CLDN16: variants seen among roughly 807,000 people sequenced by gnomAD.
CLDN16 encodes the protein claudin-16.
Under a neutral mutation model 24.6 loss-of-function variants are expected in CLDN16, and 13 were observed. The ratio of observed to expected loss-of-function variants is 0.53; its 90% CI spans 0.34 to 0.84. CLDN16 has a LOEUF of 0.84. CLDN16 is among the 40% of genes least tolerant of loss of function. The probability of loss-of-function intolerance (pLI) is 0.01; values close to 1 mark genes in which losing one functional copy is unlikely to be tolerated. For missense variants in CLDN16, 298 were observed against 292.7 expected (o/e 1.02, Z -0.13); for synonymous variants, 116 against 106.7 (o/e 1.09, Z -0.54).
At chr3:190,348,404 T>C (rs1717602351) in intron 1 of CLDN16, among the ~76,000 whole-genome samples, 1 of 151,086 alleles carries the variant, frequency 6.6e-6, no homozygotes, top group South Asian at 2.1e-4. Flanking sequence ...TACAAAGATA[T>C]ACACACCCAC....
intron 1 of CLDN16, among the ~76,000 whole-genome samples, chr3:190,355,547 G>A (rs1717750105): frequency 6.6e-6 from 1 of 151,746 alleles, no homozygotes; most frequent in Non-Finnish European, 1.5e-5. Flanking sequence ...AACTTCTTAA[G>A]AATTTAAAAC....
intron 2 of CLDN16, among the ~76,000 whole-genome samples, chr3:190,403,354 A>T (rs1719009616): frequency 6.6e-6 from 1 of 152,176 alleles, no homozygotes; most frequent in African/African-American, 2.4e-5. Flanking sequence ...ATAAATAAAT[A>T]AATTATAGTT....
At chr3:190,302,479 A>G in the CLDN16 span, among the ~76,000 whole-genome samples, 1 of 152,144 alleles carries the variant, frequency 6.6e-6, no homozygotes, top group African/African-American at 2.4e-5. Context: ...ATTCTTAAAA[A>G]TATTATGTGA....
At chr3:190,345,704 C>G (rs1207065321) in intron 1 of CLDN16, among the ~76,000 whole-genome samples, 2 of 152,142 alleles carry the variant, frequency 1.3e-5, no homozygotes, top group East Asian at 3.9e-4. Context: ...CCTCACTGGG[C>G]TTCCAGTTAT....
the CLDN16 span, among the ~76,000 whole-genome samples, chr3:190,297,000 A>G: frequency 6.6e-6 from 1 of 152,090 alleles, no homozygotes; most frequent in Non-Finnish European, 1.5e-5. Flanking sequence ...GGGTTTTTAC[A>G]ACAAAGTAGC....
At chr3:190,310,189 A>T in the CLDN16 span, 2 of 1,613,812 alleles carry the variant, frequency 1.2e-6, no homozygotes, top group Non-Finnish European at 1.7e-6. Context: ...CTGGGGTCAT[A>T]GGGTCATAGA....
rs143959193 is a variant in CLDN16 at position 190,342,874 on chromosome 3, G to T, written n.121+20213G>T. On this transcript the variant is annotated intron_variant and non_coding_transcript_variant, in intron 1 of 4. Coordinates refer to the CLDN16 transcript ENST00000468220. ...TAAAACTCCTGGAAAAAAACATAGG[G>T]GAAAAACTCCTTGACATTGGCCTTG... Among the ~76,000 whole-genome samples the T allele has an allele frequency of 5.3e-5, 8 of 152,138 alleles. No homozygotes were observed. The East Asian group carries it at 9.6e-4, about 18-fold the overall frequency.
At chr3:190,301,066 G>T in the CLDN16 span, among the ~76,000 whole-genome samples, 1 of 152,148 alleles carries the variant, frequency 6.6e-6, no homozygotes, top group Non-Finnish European at 1.5e-5. Flanking sequence ...TTTTCAACTT[G>T]ACTCAATCCT....
chr3:190,312,930 G>A, the CLDN16 span: 15 of 1,614,034 alleles, frequency 9.3e-6, no homozygotes, highest in Admixed American at 3.3e-5. Flanking sequence ...GCACCTCATC[G>A]TCTTCCAAGC....
intron 1 of CLDN16, among the ~76,000 whole-genome samples, chr3:190,363,474 A>G (rs1317005950): frequency 1.4e-5 from 2 of 143,058 alleles, no homozygotes; most frequent in South Asian, 4.4e-4. Context: ...TTTTCTTTTG[A>G]TTGTTGGTCA....
At chr3:190,388,473 C>T (rs752863742) in intron 1 of CLDN16, 30 bp downstream of exon 1, 2 of 1,601,944 alleles carry the variant, frequency 1.2e-6, no homozygotes, top group Non-Finnish European at 1.7e-6. Context: ...TTTTCATGAT[C>T]CAGGCCAGCC....
intron 1 of CLDN16, among the ~76,000 whole-genome samples, chr3:190,390,932 C>T (rs975053932): frequency 6.6e-6 from 1 of 152,048 alleles, no homozygotes; most frequent in Non-Finnish European, 1.5e-5. Context: ...CCTACAGGTG[C>T]ATGTCCCCAC....
chr3:190,405,766 T>G (rs149279223), intron 3 of CLDN16, among the ~76,000 whole-genome samples: 245 of 152,326 alleles, frequency 1.6e-3, no homozygotes, highest in African/African-American at 5.6e-3. Flanking sequence ...TTCTGAGGAC[T>G]GGTCAAGCAT....
intron 1 of CLDN16, among the ~76,000 whole-genome samples, chr3:190,332,629 T>C (rs977400923): frequency 6.6e-6 from 1 of 152,196 alleles, no homozygotes; most frequent in Non-Finnish European, 1.5e-5. Context: ...TTTTCCACTA[T>C]TAATTAAGTT....
Position 190,370,263 on chromosome 3 carries a change from G to A in CLDN16, n.122-630G>A, listed in dbSNP as rs7644649. ...ATTAGGTGTAGGTTTTGCTTCTTCAGCTATTTCCATATAATCCTGAAAGTT... is the reference window on the plus strand; with the variant it reads ...ATTAGGTGTAGGTTTTGCTTCTTCAACTATTTCCATATAATCCTGAAAGTT... On this transcript the variant is annotated intron_variant and non_coding_transcript_variant, in intron 1 of 4. Transcript: ENST00000468220. Among the ~76,000 whole-genome samples the A allele has an allele frequency of 2.1e-3, 321 of 152,044 alleles. 2 individuals carry two copies. Among genetic ancestry groups the A allele is most frequent in the African/African-American group, 7.2e-3 (300 of 41,508 alleles).
At chr3:190,310,155 C>T in the CLDN16 span, 6 of 1,607,328 alleles carry the variant, frequency 3.7e-6, no homozygotes, top group Non-Finnish European at 4.3e-6. Context: ...TATTTTACGC[C>T]TGAATAGCGT....
intron 3 of CLDN16, among the ~76,000 whole-genome samples, chr3:190,379,994 T>TATCTATC (rs1560091402): frequency 1.3e-5 from 2 of 152,060 alleles, no homozygotes; most frequent in Middle Eastern, 3.4e-3. Context: ...TCTATCTATC[T>TATCTATC]ATCTATCTAT....
intron 3 of CLDN16, among the ~76,000 whole-genome samples, chr3:190,377,975 A>G (rs909773186): frequency 2.0e-5 from 3 of 152,022 alleles, no homozygotes; most frequent in South Asian, 2.1e-4. Flanking sequence ...ATATGGGGAT[A>G]ACAAAGTAGA....
At chr3:190,323,957 T>C (rs1716999762) in intron 1 of CLDN16, among the ~76,000 whole-genome samples, 1 of 152,154 alleles carries the variant, frequency 6.6e-6, no homozygotes, top group African/African-American at 2.4e-5. Context: ...ATCCCAGGGT[T>C]AGGGCCTGCA....
Sources: gnomAD v4.1 joint callset for allele counts (sites outside exome capture counted in the v4.1 genomes callset) on GRCh38, gnomAD v4.1.1 for gene constraint, MANE v1.5 for transcripts, NCBI Gene and HGNC (gene_info 2026-07-23, HGNC 2026-07-21) for gene names.